MARCHF1: variants seen among roughly 807,000 people sequenced by gnomAD.
MARCHF1 encodes the protein membrane associated ring-CH-type finger 1, also known as E3 ubiquitin-protein ligase MARCHF1.
MARCHF1 carries 40 observed loss-of-function variants against 54.2 expected under a neutral mutation model. The observed-to-expected ratio is 0.74, with a 90% CI of 0.57 to 0.96. MARCHF1 has a LOEUF of 0.96. MARCHF1 is among the 40% of genes least tolerant of loss of function. MARCHF1 has a pLI of 0.00. For missense variants in MARCHF1, 586 were observed against 656.5 expected (o/e 0.89, Z 1.17); for synonymous variants, 236 against 236.3 (o/e 1.00, Z 0.01).
chr4:163,901,150 A>T (rs1750933070), intron 3 of MARCHF1, among the ~76,000 whole-genome samples: 1 of 152,214 alleles, frequency 6.6e-6, no homozygotes, highest in Non-Finnish European at 1.5e-5. Context: ...GTTTAGATTC[A>T]GCTTTAAGGA....
chr4:164,080,132 A>C (rs1755065041), intron 2 of MARCHF1, among the ~76,000 whole-genome samples: 1 of 152,216 alleles, frequency 6.6e-6, no homozygotes, highest in South Asian at 2.1e-4. Flanking sequence ...TATCTGGCTG[A>C]AAAGACCATG....
chr4:163,979,949 A>G (rs1752728375), intron 3 of MARCHF1, among the ~76,000 whole-genome samples: 1 of 152,156 alleles, frequency 6.6e-6, no homozygotes, highest in South Asian at 2.1e-4. Context: ...TAGGTTGCGA[A>G]AATTTTCTCC....
In MARCHF1 at chr4:164,091,387, CAG is replaced by C. The variant is rs1036593222; in HGVS notation, c.-248+20199_-248+20200del. Among the ~76,000 whole-genome samples the C allele has an allele frequency of 8.5e-4, 116 of 136,678 alleles. 1 individual carries two copies. Among genetic ancestry groups the C allele is most frequent in the Admixed American group, 4.1e-3 (53 of 12,920 alleles). 89.7% of individuals were successfully genotyped at this position (136,678 alleles called of 152,430 possible). ...CAAACATATGTAAAAATAGGGACAA[CAG>C]GGGATAATTTTCACCAAGTTTTATA... On this transcript the variant is annotated intron_variant, in intron 2 of 9. Coordinates refer to ENST00000514618, the MANE Select transcript of MARCHF1 (RefSeq NM_001394959.1).
intron 4 of MARCHF1, among the ~76,000 whole-genome samples, chr4:163,822,821 T>G (rs994618087): frequency 6.6e-6 from 1 of 151,862 alleles, no homozygotes; most frequent in African/African-American, 2.4e-5. Flanking sequence ...CCAGGAGGTC[T>G]TGTTTCTAAG....
At chr4:164,026,565 A>C (rs940098866) in intron 2 of MARCHF1, among the ~76,000 whole-genome samples, 1 of 152,120 alleles carries the variant, frequency 6.6e-6, no homozygotes, top group African/African-American at 2.4e-5. Flanking sequence ...CCCTCAGCAG[A>C]TTAGGCATCA....
At chr4:164,263,137 TGC>T (rs199939300) in intron 1 of MARCHF1, among the ~76,000 whole-genome samples, 1 of 149,776 alleles carries the variant, frequency 6.7e-6, no homozygotes, top group Non-Finnish European at 1.5e-5. Flanking sequence ...TGTGTACGCG[TGC>T]GTGTGTGTGT....
intron 9 of MARCHF1, among the ~76,000 whole-genome samples, chr4:163,543,945 C>T (rs1275360090): frequency 1.3e-5 from 2 of 152,122 alleles, no homozygotes; most frequent in African/African-American, 4.8e-5. Flanking sequence ...GACTACATTA[C>T]CTGGAGGAAA....
At chr4:163,751,133 TTGTGTGTGTGTGTGTGTGTGTG>T (rs70948664) in intron 4 of MARCHF1, among the ~76,000 whole-genome samples, 4 of 147,290 alleles carry the variant, frequency 2.7e-5, no homozygotes, top group Non-Finnish European at 4.5e-5. Context: ...TATTACCACT[TTGTGTGTGTGTGTGTGTGTGTG>T]TGTGTGTGTG....
At position 163,740,378 on chromosome 4, in the gene MARCHF1, G is replaced by A. The variant is rs148190964; in HGVS notation, c.112-39515C>T. Among the ~76,000 whole-genome samples, 727 of 152,352 alleles carry A rather than the reference G, an allele frequency of 4.8e-3. 2 individuals carry two copies. Among genetic ancestry groups the A allele is most frequent in the Middle Eastern group, 0.017 (5 of 294 alleles). On this transcript the variant is annotated intron_variant, in intron 4 of 9. Transcript: ENST00000514618. ...CAAGCTATCAAGTTAGTCTGCCACAGTTTCATGATGTGGGCAGAGGACACA... is the reference window on the plus strand; with the variant it reads ...CAAGCTATCAAGTTAGTCTGCCACAATTTCATGATGTGGGCAGAGGACACA...
rs767725101 is a variant in MARCHF1, at chr4:163,675,057, G to A, written c.162+25756C>T. On this transcript the variant is annotated intron_variant, in intron 5 of 9. Transcript: ENST00000514618. Reference sequence around the variant, plus strand: ...CCTCAAGTCAGAAGAGTTGATGGATGCTAAATAAGAGGAAAAAGGAAAACC... The same window carrying A: ...CCTCAAGTCAGAAGAGTTGATGGATACTAAATAAGAGGAAAAAGGAAAACC... Among the ~76,000 whole-genome samples, 3 of 152,198 alleles carry A rather than the reference G, an allele frequency of 2.0e-5. No homozygotes were observed. In the South Asian group the frequency reaches 6.2e-4, roughly 32 times the overall value.
At position 164,230,077 on chromosome 4, in the gene MARCHF1, T is replaced by TC. The variant is rs145862678; in HGVS notation, c.-322-118416dup. Among the ~76,000 whole-genome samples, 1,497 of 152,138 alleles carry TC rather than the reference T, an allele frequency of 9.8e-3. 21 individuals are homozygous for TC. Among genetic ancestry groups the TC allele is most frequent in the East Asian group, 0.086 (443 of 5,174 alleles). The stretch of plus-strand genomic sequence containing the variant: ...TACAGGTGTGTGCCACTGCTCCCAG[T>TC]CCCCAGTTAAGCATCCTTTTAAAAA... On this transcript the variant is annotated intron_variant, in intron 1 of 9. Transcript: ENST00000514618.
chr4:164,074,680 T>G (rs1754940014), intron 2 of MARCHF1, among the ~76,000 whole-genome samples: 1 of 152,064 alleles, frequency 6.6e-6, no homozygotes, highest in South Asian at 2.1e-4. Context: ...ATGGAAAAAT[T>G]TCTCTGTTAT....
At chr4:163,540,373 A>G (rs951395785) in intron 9 of MARCHF1, among the ~76,000 whole-genome samples, 2 of 152,104 alleles carry the variant, frequency 1.3e-5, no homozygotes, top group African/African-American at 2.4e-5. Flanking sequence ...TGTATAAGGA[A>G]GGGTGTGTGT....
At chr4:164,197,409 T>A in intron 1 of MARCHF1, 1 of 1,613,450 alleles carries the variant, frequency 6.2e-7, no homozygotes, top group South Asian at 1.1e-5. Flanking sequence ...GTGGCTCTAT[T>A]GTGCTGAGGT....
intron 2 of MARCHF1, among the ~76,000 whole-genome samples, chr4:164,015,211 G>C (rs142168868): frequency 8.5e-5 from 13 of 152,106 alleles, no homozygotes; most frequent in African/African-American, 3.1e-4. Context: ...GTAAAGCACA[G>C]TATCTCCAAT....
chr4:163,749,737 A>C (rs1275504205), intron 4 of MARCHF1, among the ~76,000 whole-genome samples: 2 of 152,070 alleles, frequency 1.3e-5, no homozygotes, highest in African/African-American at 4.8e-5. Context: ...TCAGCCAAGC[A>C]GAAGCACTTA....
At chr4:164,060,383 C>T (rs536503788) in intron 2 of MARCHF1, among the ~76,000 whole-genome samples, 11 of 151,962 alleles carry the variant, frequency 7.2e-5, no homozygotes, top group African/African-American at 2.2e-4. Flanking sequence ...ATATCATTGG[C>T]GAAAGACTTT....
intron 4 of MARCHF1, among the ~76,000 whole-genome samples, chr4:163,772,497 A>G (rs138102395): frequency 9.7e-4 from 148 of 152,250 alleles, no homozygotes; most frequent in African/African-American, 3.4e-3. Context: ...CTGCCCATCT[A>G]ATTCTTCATG....
At chr4:163,883,258 TGAGAGAG>T (rs1223857687) in intron 3 of MARCHF1, among the ~76,000 whole-genome samples, 95 of 145,550 alleles carry the variant, frequency 6.5e-4, no homozygotes, top group Non-Finnish European at 9.4e-4. Context: ...TATATATATA[TGAGAGAG>T]AGAGAGAGAG....
Sources: gnomAD v4.1 joint callset for allele counts (sites outside exome capture counted in the v4.1 genomes callset) on GRCh38, gnomAD v4.1.1 for gene constraint, MANE v1.5 for transcripts, NCBI Gene and HGNC (gene_info 2026-07-23, HGNC 2026-07-21) for gene names.